CHMP3: variants seen among roughly 807,000 people sequenced by gnomAD.
CHMP3 encodes 25.1 protein.
A neutral mutation model predicts 27.4 loss-of-function variants in CHMP3; 8 were observed. The observed-to-expected ratio is 0.29, with a 90% CI of 0.17 to 0.53. The LOEUF is 0.53. CHMP3 is among the 20% of genes least tolerant of loss of function. The pLI is 0.96. For missense variants in CHMP3, 208 were observed against 271.5 expected, an observed-to-expected ratio of 0.77 and a Z score of 1.64; for synonymous variants, 86 against 85.5, an observed-to-expected ratio of 1.01 and a Z score of -0.03.
intron 3 of CHMP3, among the ~76,000 whole-genome samples, chr2:86,523,296 CTTCT>C (rs1219098670): frequency 6.6e-6 from 1 of 152,230 alleles, no homozygotes; most frequent in Non-Finnish European, 1.5e-5. Flanking sequence ...AATAGTTCAT[CTTCT>C]TTCAGGATTC....
chr2:86,527,314 C>T (rs982787088), intron 3 of CHMP3: 14 of 152,028 alleles, frequency 9.2e-5, no homozygotes, highest in Admixed American at 2.0e-4. Flanking sequence ...ACATTATCCT[C>T]TGCTTTCATC....
chr2:86,520,350 G>A (rs1675474829), intron 3 of CHMP3, among the ~76,000 whole-genome samples: 1 of 152,124 alleles, frequency 6.6e-6, no homozygotes, highest in South Asian at 2.1e-4. Context: ...GGGGAAGCAG[G>A]CACATCTCCA....
chr2:86,563,359 A>AC lies in CHMP3; in HGVS notation c.-12dup, dbSNP rs764164977. On this transcript the variant is annotated 5_prime_UTR_variant, in exon 1 of 6. Transcript: ENST00000263856. ...TCCAAACAGCCCCATGACGAACTGA[A>AC]CCCGTCTTGCCCCTTCCGGCTTTCA... 178 of 1,613,592 alleles carry AC rather than the reference A, an allele frequency of 1.1e-4. No homozygotes were observed. The highest frequency in any genetic ancestry group is 2.5e-4 in the Admixed American group (15 of 59,984).
chr2:86,513,537 T>G (rs1301941450), intron 3 of CHMP3, among the ~76,000 whole-genome samples: 1 of 152,232 alleles, frequency 6.6e-6, no homozygotes, highest in African/African-American at 2.4e-5. Flanking sequence ...GCTTACTGAT[T>G]GTAACAAATG....
At chr2:86,536,576 G>T (rs980947619) in intron 2 of CHMP3, among the ~76,000 whole-genome samples, 1 of 152,020 alleles carries the variant, frequency 6.6e-6, no homozygotes, top group East Asian at 1.9e-4. Flanking sequence ...AAAATCTTAC[G>T]AGGATCCTTT....
At chr2:86,535,274 G>A (rs972780978) in intron 2 of CHMP3, among the ~76,000 whole-genome samples, 1 of 148,304 alleles carries the variant, frequency 6.7e-6, no homozygotes, top group African/African-American at 2.5e-5. Context: ...AAAAAAAAAA[G>A]GAATTATTGA....
chr2:86,562,551 CTAT>C (rs1677414851), intron 1 of CHMP3, among the ~76,000 whole-genome samples: 2 of 152,158 alleles, frequency 1.3e-5, no homozygotes, highest in Admixed American at 1.3e-4. Context: ...GGTGACACTA[CTAT>C]TATTCTGGCT....
chr2:86,538,670 T>G (rs1020177626), intron 2 of CHMP3, among the ~76,000 whole-genome samples: 8 of 152,204 alleles, frequency 5.3e-5, no homozygotes, highest in African/African-American at 1.9e-4. Context: ...AAGCTGATTA[T>G]TTTCATTTGA....
intron 3 of CHMP3, among the ~76,000 whole-genome samples, chr2:86,528,903 T>C (rs959715042): frequency 6.6e-6 from 1 of 152,146 alleles, no homozygotes; most frequent in African/African-American, 2.4e-5. Flanking sequence ...AAAGCTCTTT[T>C]CTTCATCCTC....
chr2:86,553,417 C>T (rs60073472), intron 1 of CHMP3, among the ~76,000 whole-genome samples: 29,268 of 152,030 alleles, frequency 0.19, 3,690 homozygotes, highest in African/African-American at 0.35. Flanking sequence ...CTGCAACCTC[C>T]GACTCCCTGG....
chr2:86,533,942 C>G (rs1192339502), intron 2 of CHMP3, among the ~76,000 whole-genome samples: 1 of 152,082 alleles, frequency 6.6e-6, no homozygotes, highest in African/African-American at 2.4e-5. Flanking sequence ...TTTTTTCACC[C>G]ATTGGTTAAG....
intron 1 of CHMP3, chr2:86,562,792 G>A (rs1677428531): frequency 6.5e-6 from 1 of 153,106 alleles, no homozygotes; most frequent in African/African-American, 2.4e-5. Context: ...TGTGCCTAGG[G>A]TCAACACAAG....
intron 1 of CHMP3, 99 bp from the exon 2 acceptor site, chr2:86,542,411 C>T: frequency 1.6e-6 from 2 of 1,212,956 alleles, no homozygotes; most frequent in Non-Finnish European, 2.4e-6. Flanking sequence ...ATTACAGACA[C>T]AAAATTTAAA....
rs779189192 is a variant in CHMP3 at position 86,507,466 on chromosome 2, C to T, written c.523+13G>A. ...TAAAAAGAGAGGAGAAAGGATGGAT[C>T]TCACGGTCATACCTGCTGTAATTTC... On this transcript the variant is annotated intron_variant, in intron 5 of 5. Transcript: ENST00000263856. 6.2e-7 allele frequency: 1 copy of T among 1,610,398 alleles called. No homozygotes were observed. The highest frequency in any genetic ancestry group is 1.3e-5 in the African/African-American group (1 of 74,976).
chr2:86,514,084 G>C (rs1675202839), intron 3 of CHMP3, among the ~76,000 whole-genome samples: 1 of 152,232 alleles, frequency 6.6e-6, no homozygotes, highest in Non-Finnish European at 1.5e-5. Flanking sequence ...GAATGTCCCA[G>C]ATGAGTGAGA....
chr2:86,536,827 C>T (rs1193862067), intron 2 of CHMP3, among the ~76,000 whole-genome samples: 1 of 152,156 alleles, frequency 6.6e-6, no homozygotes, highest in Non-Finnish European at 1.5e-5. Context: ...CCTAAAGTTT[C>T]CACAATGCAT....
rs151030608 is a variant in CHMP3, at chr2:86,510,430, C to T, written c.336G>A (p.Lys112=). 1.2e-6 allele frequency: 2 copies of T among 1,614,034 alleles called. No individual in the cohort carries two copies. Among genetic ancestry groups the T allele is most frequent in the Non-Finnish European group, 1.7e-6 (2 of 1,180,022 alleles). ...GSLQKSTEVM[K]AMQSLVKIPE... is the part of the protein sequence containing the mutation. ...GAATCTTCACAAGACTTTGCATGGC[C>T]TTCATCACTTCTGTGCTCTTCTGCA... The change falls in exon 4 of 6, where the codon AAG becomes AAA. Residue 112 remains lysine (K), a synonymous_variant. Transcript: ENST00000263856.
chr2:86,543,897 C>T (rs1453087294), intron 1 of CHMP3, among the ~76,000 whole-genome samples: 1 of 152,222 alleles, frequency 6.6e-6, no homozygotes, highest in East Asian at 1.9e-4. Flanking sequence ...ATACAATTCA[C>T]TGGCATTTAG....
chr2:86,555,198 AAAATACATG>A, intron 1 of CHMP3, among the ~76,000 whole-genome samples: 1 of 152,346 alleles, frequency 6.6e-6, no homozygotes, highest in Non-Finnish European at 1.5e-5. Flanking sequence ...CCATGAAGTT[AAAATACATG>A]AAATACATCT....
Sources: gnomAD v4.1 joint callset for allele counts (sites outside exome capture counted in the v4.1 genomes callset) on GRCh38, gnomAD v4.1.1 for gene constraint, MANE v1.5 for transcripts, NCBI Gene and HGNC (gene_info 2026-07-23, HGNC 2026-07-21) for gene names.